Variants in CDK14 observed in about 807,000 individuals in gnomAD.
CDK14 encodes cyclin dependent kinase 14.
A neutral mutation model predicts 60.7 loss-of-function variants in CDK14; 34 were observed. The observed-to-expected ratio is 0.56, with a 90% CI of 0.43 to 0.75. The LOEUF is 0.75. CDK14 is among the 30% of genes least tolerant of loss of function. The pLI is 0.00. For synonymous variants in CDK14, 197 were observed against 203.7 expected (o/e 0.97, Z 0.28); for missense variants, 482 against 564.1 (o/e 0.85, Z 1.47).
At chr7:90,652,427 A>G (rs2116480000) in intron 2 of CDK14, among the ~76,000 whole-genome samples, 1 of 152,278 alleles carries the variant, frequency 6.6e-6, no homozygotes, top group Admixed American at 6.5e-5. Context: ...TTATTAGAGG[A>G]GTTACTTTGT....
At chr7:90,709,799 C>G (rs1801995498) in intron 2 of CDK14, 2 of 1,427,484 alleles carry the variant, frequency 1.4e-6, no homozygotes, top group East Asian at 5.2e-5. Context: ...TTATGCATCC[C>G]CCTCTCTTGG....
chr7:90,771,626 A>G (rs11771707), intron 4 of CDK14, among the ~76,000 whole-genome samples: 31,220 of 152,204 alleles, frequency 0.21, 3,345 homozygotes, highest in South Asian at 0.24. Context: ...GATAGGCTTG[A>G]GAAGATCACC....
intron 5 of CDK14, among the ~76,000 whole-genome samples, chr7:90,821,698 T>C (rs1005610150): frequency 6.6e-6 from 1 of 152,222 alleles, no homozygotes; most frequent in African/African-American, 2.4e-5. Flanking sequence ...CATTTCACTT[T>C]CCTGCTTAGG....
Position 90,644,443 on chromosome 7 carries a change from G to A in CDK14, c.123+40194G>A, listed in dbSNP as rs557551969. Among the ~76,000 whole-genome samples, 11 of 152,226 alleles carry A rather than the reference G, an allele frequency of 7.2e-5. 1 individual carries two copies. The South Asian group carries it at 1.9e-3, about 26-fold the overall frequency. Reference sequence around the variant, plus strand: ...GTAACTTCCTTCAGGTCTCAGTGCCGGGAAGGTGAATCTGTGGATCCTTGT... The same window carrying A: ...GTAACTTCCTTCAGGTCTCAGTGCCAGGAAGGTGAATCTGTGGATCCTTGT... On this transcript the variant is annotated intron_variant, in intron 2 of 14. Coordinates refer to ENST00000380050, the MANE Select transcript of CDK14 (RefSeq NM_001287135.2).
intron 6 of CDK14, among the ~76,000 whole-genome samples, chr7:90,876,790 A>G (rs974768218): frequency 6.6e-6 from 1 of 152,254 alleles, no homozygotes; most frequent in Non-Finnish European, 1.5e-5. Flanking sequence ...AAAGCGTGCC[A>G]TTATGTAAAC....
intron 14 of CDK14, among the ~76,000 whole-genome samples, chr7:91,138,833 A>G (rs185804799): frequency 6.6e-6 from 1 of 152,276 alleles, no homozygotes; most frequent in African/African-American, 2.4e-5. Context: ...AAGGACAAAA[A>G]TAAAACTGGG....
At chr7:90,994,988 T>C (rs1304542942) in intron 10 of CDK14, among the ~76,000 whole-genome samples, 1 of 152,220 alleles carries the variant, frequency 6.6e-6, no homozygotes, top group East Asian at 1.9e-4. Flanking sequence ...ACATTACATA[T>C]GTTATCTCTT....
chr7:91,046,016 T>C (rs986105538), intron 11 of CDK14, 56 bp downstream of exon 11: 6 of 1,170,500 alleles, frequency 5.1e-6, no homozygotes, highest in Admixed American at 5.1e-5. Context: ...AAGGTGAGTA[T>C]ATAAATGTTC....
chr7:90,726,179 T>C (rs753235313), intron 2 of CDK14: 10 of 232,174 alleles, frequency 4.3e-5, no homozygotes, highest in Admixed American at 1.3e-4. Flanking sequence ...TTAATGTCCA[T>C]CTGATTTGCC....
chr7:91,060,332 A>G (rs1066807), intron 11 of CDK14, among the ~76,000 whole-genome samples: 22,333 of 151,788 alleles, frequency 0.15, 1,828 homozygotes, highest in African/African-American at 0.19. Context: ...ACAGCACACT[A>G]ATGGGTCTTG....
chr7:90,620,509 C>T (rs17866841), intron 2 of CDK14, among the ~76,000 whole-genome samples: 10,211 of 151,962 alleles, frequency 0.067, 456 homozygotes, highest in East Asian at 0.19. Context: ...AGCTTGTCCC[C>T]GTATCCCTAT....
chr7:90,814,377 G>T (rs1459236044), intron 5 of CDK14, among the ~76,000 whole-genome samples: 1 of 151,996 alleles, frequency 6.6e-6, no homozygotes. Context: ...TTACATCAGA[G>T]CTTTTTTTTA....
intron 13 of CDK14, among the ~76,000 whole-genome samples, chr7:91,113,028 T>A (rs1194722667): frequency 6.6e-6 from 1 of 152,156 alleles, no homozygotes; most frequent in African/African-American, 2.4e-5. Flanking sequence ...ATTATGTGTG[T>A]GTCCAAAAAA....
intron 6 of CDK14, among the ~76,000 whole-genome samples, chr7:90,890,080 G>A (rs574756204): frequency 9.4e-4 from 143 of 152,266 alleles, no homozygotes; most frequent in Middle Eastern, 6.8e-3. Flanking sequence ...TTTTGAAAAC[G>A]GACTCCTCTA....
chr7:90,881,356 A>G (rs1176216649), intron 6 of CDK14, among the ~76,000 whole-genome samples: 1 of 152,224 alleles, frequency 6.6e-6, no homozygotes. Context: ...CAGAGTTTGA[A>G]GACCACTTTA....
intron 2 of CDK14, chr7:90,692,488 T>C (rs562168477): frequency 6.6e-6 from 1 of 152,492 alleles, no homozygotes; most frequent in Non-Finnish European, 1.5e-5. Flanking sequence ...TATATTGACT[T>C]CTATACAACC....
chr7:90,805,067 C>G (rs904064280), intron 5 of CDK14, among the ~76,000 whole-genome samples: 125 of 152,054 alleles, frequency 8.2e-4, no homozygotes, highest in African/African-American at 2.9e-3. Context: ...CAGTAAATGA[C>G]TGTTAGGATT....
At chr7:90,795,769 G>A (rs931049073) in intron 5 of CDK14, among the ~76,000 whole-genome samples, 10 of 152,100 alleles carry the variant, frequency 6.6e-5, no homozygotes, top group Non-Finnish European at 1.5e-4. Context: ...AATGAAACTG[G>A]CCAGCAGGCA....
At chr7:91,150,126 G>A (rs192531358) in intron 14 of CDK14, among the ~76,000 whole-genome samples, 2 of 152,272 alleles carry the variant, frequency 1.3e-5, no homozygotes, top group African/African-American at 4.8e-5. Flanking sequence ...TCAAGATGCT[G>A]ACTGGCCTGG....
Sources: allele counts gnomAD v4.1 joint callset (sites outside exome capture counted in the v4.1 genomes callset), GRCh38; gene constraint gnomAD v4.1.1; transcripts MANE v1.5; gene names NCBI Gene and HGNC (gene_info 2026-07-23, HGNC 2026-07-21).